The following CKMT2 variants were observed in gnomAD, a reference collection of about 807,000 sequenced individuals.
CKMT2 encodes the protein creatine kinase S-type, mitochondrial.
CKMT2 carries 43 observed loss-of-function variants against 48.9 expected under a neutral mutation model. The ratio of observed to expected loss-of-function variants is 0.88; its 90% CI spans 0.69 to 1.13. CKMT2 has a LOEUF of 1.13. Ranked by LOEUF, CKMT2 falls within the 50% of genes most tolerant of loss-of-function variation. The pLI, the probability that CKMT2 is intolerant of heterozygous loss-of-function variation, is 0.00. For missense variants in CKMT2, 472 were observed against 555.4 expected (o/e 0.85, Z 1.51); for synonymous variants, 206 against 213.0 (o/e 0.97, Z 0.29).
chr5:81,259,168 C>T lies in CKMT2; in HGVS notation c.928C>T (p.Arg310Cys), dbSNP rs780793438. ...AGGCTGGGAGTTCATGTGGAATGAG[C>T]GCCTAGGATACATTTTGACCTGTCC... Reference protein sequence around the residue: ...ERGWEFMWNERLGYILTCPSN... With the variant: ...ERGWEFMWNECLGYILTCPSN... Residue 310 changes from arginine to cysteine, a missense_variant, in exon 8 of 10, where the codon CGC (arginine) becomes TGC (cysteine). Transcript: ENST00000254035. The T allele has an allele frequency of 1.5e-5, 25 of 1,613,756 alleles. No homozygotes were observed. Among genetic ancestry groups the T allele is most frequent in the South Asian group, 4.4e-5 (4 of 91,038 alleles).
chr5:81,251,199 A>G lies in CKMT2; in HGVS notation c.67A>G (p.Thr23Ala). ...TTCTCTGCTGTTTGCTACCATGGGC[A>G]CCAGTGTCCTGACCACCGGGTACCT... ...NASLLFATMG[T>A]SVLTTGYLLN... Residue 23 changes from threonine (T) to alanine (A), a missense_variant, in exon 2 of 10, where the codon ACC (threonine) becomes GCC (alanine). By Grantham distance (58) the Thr-to-Ala change is moderately conservative. Transcript: ENST00000254035. 6.2e-7 allele frequency: 1 copy of G among 1,614,188 alleles called. No individual in the cohort carries two copies.
At chr5:81,237,013 G>A (rs532096794) in intron 1 of CKMT2, among the ~76,000 whole-genome samples, 3 of 152,270 alleles carry the variant, frequency 2.0e-5, no homozygotes, top group Admixed American at 2.0e-4. Flanking sequence ...GCCACATGTG[G>A]TGGTGGGCGC....
At chr5:81,251,660 G>A (rs1310953420) in intron 2 of CKMT2, among the ~76,000 whole-genome samples, 6 of 152,160 alleles carry the variant, frequency 3.9e-5, no homozygotes, top group Non-Finnish European at 7.4e-5. Context: ...TTCCCCTGCT[G>A]GAAACTGTTA....
intron 4 of CKMT2, 75 bp downstream of exon 4, chr5:81,254,566 G>A (rs899991147): frequency 7.6e-7 from 1 of 1,310,952 alleles, no homozygotes; most frequent in Non-Finnish European, 1.1e-6. Context: ...CTGGAGAGAG[G>A]GGTTCCCCGC....
chr5:81,256,869 G>A (rs756558598), intron 5 of CKMT2, 46 bp from the exon 6 acceptor site: 4 of 1,404,982 alleles, frequency 2.8e-6, no homozygotes, highest in African/African-American at 2.8e-5. Flanking sequence ...AGTCCTGTTT[G>A]ATCTCATCAG....
intron 1 of CKMT2, among the ~76,000 whole-genome samples, chr5:81,236,803 C>G (rs75934747): frequency 1.3e-5 from 2 of 152,132 alleles, no homozygotes; most frequent in African/African-American, 2.4e-5. Context: ...ATCAGTAGAT[C>G]TGAAAGTATG....
At chr5:81,247,983 TAATTA>T (rs1227117811) in intron 1 of CKMT2, among the ~76,000 whole-genome samples, 3 of 152,166 alleles carry the variant, frequency 2.0e-5, no homozygotes, top group East Asian at 1.9e-4. Flanking sequence ...AATTATAAAT[TAATTA>T]AATTAGTTCC....
At chr5:81,260,545 C>T (rs1204189419) in intron 8 of CKMT2, among the ~76,000 whole-genome samples, 5 of 152,168 alleles carry the variant, frequency 3.3e-5, no homozygotes, top group Non-Finnish European at 5.9e-5. Flanking sequence ...CACCACTGAT[C>T]GTACAGAAAT....
intron 8 of CKMT2, among the ~76,000 whole-genome samples, chr5:81,260,743 A>T (rs763639004): frequency 7.2e-4 from 110 of 152,320 alleles, no homozygotes; most frequent in Non-Finnish European, 1.5e-3. Flanking sequence ...AACCAAAAAA[A>T]GTCTAGGACC....
chr5:81,255,737 C>T (rs1373859234), intron 5 of CKMT2, among the ~76,000 whole-genome samples: 1 of 151,246 alleles, frequency 6.6e-6, no homozygotes. Flanking sequence ...CACCAGGGTG[C>T]ACAAAACTCA....
chr5:81,259,217 GAGCTGGTGTCCACGTTAGGATCCCAA>G lies in CKMT2; in HGVS notation c.982_1007del (p.Gly328GlnfsTer8). On this transcript the variant is annotated frameshift_variant, in exon 8 of 10. Coordinates refer to ENST00000254035, the MANE Select transcript of CKMT2 (RefSeq NM_001099735.2). LOFTEE classifies it high-confidence loss of function. ...CCTTCGAACCTTGGAACAGGACTAC[GAGCTGGTGTCCACGTTAGGATCCCAA>G]AGCTCAGCAAGGTACTGTTATGTGC... is the stretch of plus-strand genomic sequence containing the variant. The G allele has an allele frequency of 6.2e-7, 1 of 1,614,064 alleles. No individual in the cohort carries two copies. Among genetic ancestry groups the G allele is most frequent in the Non-Finnish European group, 8.5e-7 (1 of 1,179,970 alleles).
chr5:81,265,362 G>GTA, intron 9 of CKMT2, among the ~76,000 whole-genome samples: 1 of 152,184 alleles, frequency 6.6e-6, no homozygotes, highest in East Asian at 1.9e-4. Context: ...GGCAGCTGGA[G>GTA]TATGTGATGC....
At chr5:81,244,122 G>T (rs191734296) in intron 1 of CKMT2, 1 of 985,370 alleles carries the variant, frequency 1.0e-6, no homozygotes, top group African/African-American at 1.7e-5. Flanking sequence ...ACCGTCTGCC[G>T]GTGACTGGGA....
chr5:81,247,756 G>A (rs763800729), intron 1 of CKMT2, among the ~76,000 whole-genome samples: 7 of 152,084 alleles, frequency 4.6e-5, no homozygotes, highest in South Asian at 4.1e-4. Context: ...GTGTTCTGGC[G>A]AGACAAAAAC....
Position 81,240,849 on chromosome 5 carries a change from T to A in CKMT2, c.-21+7472T>A, listed in dbSNP as rs567020285. 7.9e-5 allele frequency among the ~76,000 whole-genome samples: 12 copies of A among 152,328 alleles called. No homozygotes were observed. The South Asian group carries it at 2.5e-3, about 32-fold the overall frequency. The stretch of plus-strand genomic sequence containing the variant: ...TATTCAGATATTAAAAATGTTATAA[T>A]AATTACAGTTATCCAACAGTAAAAT... On this transcript the variant is annotated intron_variant, in intron 1 of 9. Transcript: ENST00000254035.
At chr5:81,252,222 GA>G (rs1756841443) in intron 2 of CKMT2, 1 of 182,056 alleles carries the variant, frequency 5.5e-6, no homozygotes, top group Admixed American at 5.4e-5. Context: ...AGGTATGGAT[GA>G]GAGAGACAAG....
chr5:81,259,688 G>T (rs1315377075), intron 8 of CKMT2, among the ~76,000 whole-genome samples: 2 of 152,128 alleles, frequency 1.3e-5, no homozygotes, highest in Non-Finnish European at 2.9e-5. Context: ...CGGGGTTGTT[G>T]GTCAAGGGAC....
chr5:81,259,335 G>A, intron 8 of CKMT2, 81 bp downstream of exon 8: 2 of 1,288,686 alleles, frequency 1.6e-6, no homozygotes, highest in African/African-American at 1.5e-5. Context: ...AAACATCACT[G>A]CCCATTCCTT....
rs77900371 is a variant in CKMT2 at position 81,265,520 on chromosome 5, A to G, written c.1141-619A>G. Among the ~76,000 whole-genome samples the G allele has an allele frequency of 1.3e-4, 20 of 151,926 alleles. 1 individual carries two copies. The highest frequency in any genetic ancestry group is 2.2e-4 in the African/African-American group (9 of 41,448). ...TTTGCTTAGGAGGTGATCCCAGGGG[A>G]AAAAAAAATTAAGTAGATGTGCTCT... On this transcript the variant is annotated intron_variant, in intron 9 of 9. Coordinates refer to ENST00000254035, the MANE Select transcript of CKMT2 (RefSeq NM_001099735.2).
Sources: allele counts gnomAD v4.1 joint callset (sites outside exome capture counted in the v4.1 genomes callset), GRCh38; gene constraint gnomAD v4.1.1; transcripts MANE v1.5; gene names NCBI Gene and HGNC (gene_info 2026-07-23, HGNC 2026-07-21).